The following ZNF385D variants were observed in gnomAD, a reference collection of about 807,000 sequenced individuals.
ZNF385D encodes zinc finger protein 385D, also known as zinc finger protein 659.
Under a neutral mutation model 35.8 loss-of-function variants are expected in ZNF385D, and 15 were observed. That is an observed-to-expected ratio of 0.42 (90% CI 0.28 to 0.64). The LOEUF is 0.64. ZNF385D is among the 30% of genes least tolerant of loss of function. The pLI, the probability that ZNF385D is intolerant of heterozygous loss-of-function variation, is 0.23. For missense variants in ZNF385D, 474 were observed against 494.6 expected, an observed-to-expected ratio of 0.96 and a Z score of 0.39; for synonymous variants, 212 against 186.8, an observed-to-expected ratio of 1.13 and a Z score of -1.10.
chr3:22,259,449 C>T, intron 2 of ZNF385D, among the ~76,000 whole-genome samples: 1 of 151,822 alleles, frequency 6.6e-6, no homozygotes, highest in Non-Finnish European at 1.5e-5. Flanking sequence ...GTTGTTCTTT[C>T]AAGTAGAATT....
chr3:22,221,039 G>C (rs895303187), intron 2 of ZNF385D, among the ~76,000 whole-genome samples: 1 of 151,748 alleles, frequency 6.6e-6, no homozygotes, highest in Non-Finnish European at 1.5e-5. Flanking sequence ...ATTTATTCCA[G>C]AACATGACAG....
intron 3 of ZNF385D, among the ~76,000 whole-genome samples, chr3:22,048,482 C>A (rs781557524): frequency 4.1e-4 from 62 of 152,232 alleles, no homozygotes; most frequent in African/African-American, 8.7e-4. Flanking sequence ...GTTTTCCCAG[C>A]CCGATTTGTT....
chr3:22,345,617 G>T (rs562872480), intron 2 of ZNF385D, among the ~76,000 whole-genome samples: 1 of 152,274 alleles, frequency 6.6e-6, no homozygotes, highest in African/African-American at 2.4e-5. Context: ...TATAACTTAT[G>T]TACAGAGAAA....
At chr3:21,717,004 G>C (rs1244730304) in intron 1 of ZNF385D, among the ~76,000 whole-genome samples, 2 of 152,012 alleles carry the variant, frequency 1.3e-5, no homozygotes, top group Non-Finnish European at 2.9e-5. Context: ...GTGGTGATGT[G>C]CGCCTGTAGT....
intron 3 of ZNF385D, among the ~76,000 whole-genome samples, chr3:21,546,228 A>C (rs921887092): frequency 6.6e-6 from 1 of 152,128 alleles, no homozygotes; most frequent in Non-Finnish European, 1.5e-5. Context: ...CCTACCAGCA[A>C]TCTCTGGCTG....
intron 3 of ZNF385D, among the ~76,000 whole-genome samples, chr3:21,774,719 T>A (rs965305359): frequency 6.6e-6 from 1 of 151,906 alleles, no homozygotes; most frequent in Admixed American, 6.6e-5. Context: ...AAGGAGTAGA[T>A]GTAATTAAGA....
chr3:21,553,535 T>G (rs1218641104), intron 3 of ZNF385D, among the ~76,000 whole-genome samples: 2 of 151,800 alleles, frequency 1.3e-5, no homozygotes, highest in East Asian at 3.9e-4. Context: ...GATCATAGTG[T>G]TGGTGGTTTC....
At chr3:22,041,441 A>C (rs2125505006) in intron 3 of ZNF385D, among the ~76,000 whole-genome samples, 1 of 152,284 alleles carries the variant, frequency 6.6e-6, no homozygotes, top group Admixed American at 6.5e-5. Flanking sequence ...AAAGTGTTAA[A>C]GTTATATTAA....
At chr3:21,941,901 G>C (rs1273017895) in intron 3 of ZNF385D, among the ~76,000 whole-genome samples, 1 of 152,162 alleles carries the variant, frequency 6.6e-6, no homozygotes, top group East Asian at 1.9e-4. Context: ...TAGAAAAATT[G>C]TTCTTCCTCA....
chr3:21,912,486 A>C (rs146834246), intron 3 of ZNF385D, among the ~76,000 whole-genome samples: 112 of 152,150 alleles, frequency 7.4e-4, no homozygotes, highest in African/African-American at 2.6e-3. Flanking sequence ...ATACACAGAT[A>C]AATCCGAATG....
At chr3:22,018,219 ACTGT>A (rs541894030) in intron 3 of ZNF385D, among the ~76,000 whole-genome samples, 73 of 151,334 alleles carry the variant, frequency 4.8e-4, no homozygotes, top group Non-Finnish European at 7.2e-4. Context: ...AATAAATATG[ACTGT>A]CTAAGAGGGA....
intron 3 of ZNF385D, among the ~76,000 whole-genome samples, chr3:21,775,420 AAAAAGG>A (rs1262716970): frequency 2.0e-5 from 3 of 151,840 alleles, no homozygotes; most frequent in African/African-American, 4.8e-5. Context: ...ATAAAAATAA[AAAAAGG>A]AAGAAAGTGG....
chr3:22,030,914 C>A (rs942958377), intron 3 of ZNF385D, among the ~76,000 whole-genome samples: 33 of 152,298 alleles, frequency 2.2e-4, no homozygotes, highest in African/African-American at 7.9e-4. Context: ...AGTAAAAGTT[C>A]CCATTCCAAA....
At chr3:22,372,406 C>A (rs1696953710) in intron 2 of ZNF385D, 8 of 975,114 alleles carry the variant, frequency 8.2e-6, no homozygotes, top group Non-Finnish European at 9.8e-6. Context: ...CCCCAACGAA[C>A]TCCGCCACCT....
chr3:22,131,919 C>T (rs1352754680), intron 3 of ZNF385D, among the ~76,000 whole-genome samples: 1 of 152,052 alleles, frequency 6.6e-6, no homozygotes, highest in Non-Finnish European at 1.5e-5. Context: ...GAGGCTGATG[C>T]TAATGAATTT....
intron 3 of ZNF385D, among the ~76,000 whole-genome samples, chr3:22,120,474 T>C (rs1265704978): frequency 1.3e-5 from 2 of 152,112 alleles, no homozygotes; most frequent in African/African-American, 4.8e-5. Flanking sequence ...TATCCTCAAA[T>C]AGTGTCACAC....
intron 2 of ZNF385D, among the ~76,000 whole-genome samples, chr3:22,250,897 G>T (rs1700027732): frequency 6.6e-6 from 1 of 152,022 alleles, no homozygotes; most frequent in Non-Finnish European, 1.5e-5. Context: ...GACCCTTCAA[G>T]AACTTTATTA....
rs1264145753 is a variant in ZNF385D, at chr3:22,139,242, T to G, written c.325+29575A>C. 8.5e-5 allele frequency among the ~76,000 whole-genome samples: 13 copies of G among 152,306 alleles called. 1 individual carries two copies. The South Asian group carries it at 1.5e-3, about 17-fold the overall frequency. On this transcript the variant is annotated intron_variant, in intron 3 of 5. Coordinates refer to the ZNF385D transcript ENST00000494108. ...GGGATCTAGAACTAGAAATACCATT[T>G]GACCCAGCCATCCCATTACTGGGTA...
chr3:21,682,693 T>C (rs966824561), intron 1 of ZNF385D, among the ~76,000 whole-genome samples: 3 of 149,962 alleles, frequency 2.0e-5, no homozygotes, highest in African/African-American at 7.4e-5. Context: ...ACCTTAGCAA[T>C]CAAGTAATCT....
Sources: gnomAD v4.1 joint callset for allele counts (sites outside exome capture counted in the v4.1 genomes callset) on GRCh38, gnomAD v4.1.1 for gene constraint, MANE v1.5 for transcripts, NCBI Gene and HGNC (gene_info 2026-07-23, HGNC 2026-07-21) for gene names.